Variants in SLC22A23 observed in about 807,000 individuals in gnomAD.
SLC22A23 encodes solute carrier family 22 member 23.
Under a neutral mutation model 61.0 loss-of-function variants are expected in SLC22A23, and 26 were observed. That is an observed-to-expected ratio of 0.43 (90% confidence interval 0.31 to 0.59). SLC22A23 has a LOEUF of 0.59. SLC22A23 is among the 20% of genes least tolerant of loss of function. SLC22A23 has a pLI of 0.11. For missense variants in SLC22A23, 796 were observed against 934.7 expected (o/e 0.85, Z 1.94); for synonymous variants, 430 against 413.9 (o/e 1.04, Z -0.47).
chr6:3,295,040 T>C (rs1760949226), intron 5 of SLC22A23, among the ~76,000 whole-genome samples: 1 of 152,012 alleles, frequency 6.6e-6, no homozygotes, highest in Non-Finnish European at 1.5e-5. Context: ...TGGGTTCGTT[T>C]AGCCCATAAA....
chr6:3,349,136 T>A (rs1764615754), intron 3 of SLC22A23, among the ~76,000 whole-genome samples: 1 of 152,186 alleles, frequency 6.6e-6, no homozygotes, highest in South Asian at 2.1e-4. Context: ...ATGGGGTGCT[T>A]CCCACTGGGG....
chr6:3,337,155 T>C (rs1007974698), intron 3 of SLC22A23, among the ~76,000 whole-genome samples: 3 of 152,208 alleles, frequency 2.0e-5, no homozygotes, highest in African/African-American at 7.2e-5. Context: ...GCATCCGTCA[T>C]GAATGTAGCC....
At chr6:3,407,783 T>C (rs1329496210) in intron 3 of SLC22A23, among the ~76,000 whole-genome samples, 1 of 152,232 alleles carries the variant, frequency 6.6e-6, no homozygotes, top group Non-Finnish European at 1.5e-5. Context: ...TGCCCTGCTT[T>C]ATTGCAGAAA....
rs182440668 is a variant in SLC22A23, at chr6:3,305,143, G to T, written c.1083-6925C>A. On this transcript the variant is annotated intron_variant, in intron 4 of 9. Coordinates refer to ENST00000406686, the MANE Select transcript of SLC22A23 (RefSeq NM_015482.2). ...CCAGTGTCCCCCGTGTGTGATGCTT[G>T]CAAGTCCATGATATAGTGGCGCTAT... Among the ~76,000 whole-genome samples the T allele has an allele frequency of 2.4e-4, 37 of 152,276 alleles. 1 individual carries two copies. Among genetic ancestry groups the T allele is most frequent in the Admixed American group, 1.8e-3 (27 of 15,306 alleles).
chr6:3,317,992 T>C lies in SLC22A23; in HGVS notation c.1082+5842A>G. Among the ~76,000 whole-genome samples the C allele has an allele frequency of 6.6e-6, 1 of 152,102 alleles. No homozygotes were observed. The highest frequency in any genetic ancestry group is 1.9e-4 in the East Asian group (1 of 5,180). On this transcript the variant is annotated intron_variant, in intron 4 of 9. Coordinates refer to ENST00000406686, the MANE Select transcript of SLC22A23 (RefSeq NM_015482.2). This position sits in a 1 kb window ranked among gnomAD's most constrained non-coding sequence, Gnocchi z 4.4. ...TATCTTGGCTCCACTTGCTGGAGCA[T>C]AAATCATTCATGTGTCCCATCTTCC... is the stretch of plus-strand genomic sequence containing the variant.
chr6:3,335,962 G>A (rs772162886), intron 3 of SLC22A23, among the ~76,000 whole-genome samples: 4 of 152,062 alleles, frequency 2.6e-5, no homozygotes, highest in Non-Finnish European at 4.4e-5. Context: ...GGTGGCGGGC[G>A]CCTGTAGTCC....
At chr6:3,294,966 G>A (rs1156231922) in intron 5 of SLC22A23, among the ~76,000 whole-genome samples, 1 of 152,218 alleles carries the variant, frequency 6.6e-6, no homozygotes, top group Non-Finnish European at 1.5e-5. Context: ...AGCCAGGCCC[G>A]AGACGCTTAC....
At chr6:3,298,346 A>G (rs1761295574) in intron 4 of SLC22A23, 128 bp from the exon 5 acceptor site, 2 of 1,008,626 alleles carry the variant, frequency 2.0e-6, no homozygotes, top group Admixed American at 3.0e-5. Context: ...CATCAGCCCA[A>G]TCAGGGGAGA....
chr6:3,434,217 G>T (rs1228662262), intron 1 of SLC22A23, among the ~76,000 whole-genome samples: 1 of 152,160 alleles, frequency 6.6e-6, no homozygotes, highest in African/African-American at 2.4e-5. Context: ...GGAGGCTGAG[G>T]CAGGAGAATC....
At chr6:3,402,177 G>A (rs7745448) in intron 3 of SLC22A23, among the ~76,000 whole-genome samples, 122,853 of 152,142 alleles carry the variant, frequency 0.81, 49,983 homozygotes, top group African/African-American at 0.88. Flanking sequence ...GCCCTCATTC[G>A]GGCTCTTCTT....
At chr6:3,319,698 T>C (rs1439279027) in intron 4 of SLC22A23, among the ~76,000 whole-genome samples, 1 of 152,206 alleles carries the variant, frequency 6.6e-6, no homozygotes, top group East Asian at 1.9e-4. Flanking sequence ...GCCCTCATAG[T>C]GGATTCCCCG....
chr6:3,287,808 C>T (rs560440606), intron 6 of SLC22A23, among the ~76,000 whole-genome samples: 1 of 152,156 alleles, frequency 6.6e-6, no homozygotes, highest in African/African-American at 2.4e-5. Flanking sequence ...TTCAGCCTCC[C>T]AAGTAGCTGG....
intron 4 of SLC22A23, among the ~76,000 whole-genome samples, chr6:3,321,850 C>T (rs1762971044): frequency 6.6e-6 from 1 of 152,186 alleles, no homozygotes; most frequent in South Asian, 2.1e-4. Context: ...CAGAGAGAAT[C>T]TGCTGGGGTA....
intron 1 of SLC22A23, among the ~76,000 whole-genome samples, chr6:3,428,852 G>C (rs1469335536): frequency 6.6e-6 from 1 of 152,136 alleles, no homozygotes; most frequent in East Asian, 1.9e-4. Flanking sequence ...GGGAGTAACT[G>C]GCTAATTAGC....
chr6:3,447,136 G>A (rs1056847445), intron 1 of SLC22A23, among the ~76,000 whole-genome samples: 18 of 152,236 alleles, frequency 1.2e-4, no homozygotes, highest in African/African-American at 3.9e-4. Context: ...TTCTTAGCAC[G>A]GTTTATAAGC....
chr6:3,421,340 CAG>C (rs2127529800), intron 1 of SLC22A23, among the ~76,000 whole-genome samples: 1 of 152,268 alleles, frequency 6.6e-6, no homozygotes, highest in Non-Finnish European at 1.5e-5. Flanking sequence ...AGTAAATTAT[CAG>C]AGACACCCAC....
chr6:3,296,915 G>A (rs147137917), intron 5 of SLC22A23, among the ~76,000 whole-genome samples: 22 of 152,272 alleles, frequency 1.4e-4, no homozygotes, highest in African/African-American at 4.1e-4. Context: ...TGGGGTTCCC[G>A]TGCATCCCTT....
At position 3,387,322 on chromosome 6, in the gene SLC22A23, C is replaced by T. The variant is rs978830320; in HGVS notation, c.913+22866G>A. Among the ~76,000 whole-genome samples, 1 of 152,182 alleles carries T rather than the reference C, an allele frequency of 6.6e-6. No individual in the cohort carries two copies. Among genetic ancestry groups the T allele is most frequent in the South Asian group, 2.1e-4 (1 of 4,832 alleles). On this transcript the variant is annotated intron_variant, in intron 3 of 9. Transcript: ENST00000406686. This position sits in a 1 kb window ranked among gnomAD's most constrained non-coding sequence, Gnocchi z 5.0. ...CGCCATGAGCAGGGTGGTGCTCTTC[C>T]CCCTAGTCTGATCAAGAGAAAGTAT...
chr6:3,341,170 C>T (rs1415693107), intron 3 of SLC22A23, among the ~76,000 whole-genome samples: 2 of 152,192 alleles, frequency 1.3e-5, no homozygotes, highest in Non-Finnish European at 2.9e-5. Flanking sequence ...CACAGATGAC[C>T]TCAGAAGCTG....
Sources: gnomAD v4.1 joint callset for allele counts (sites outside exome capture counted in the v4.1 genomes callset) on GRCh38, gnomAD v4.1.1 for gene constraint, Gnocchi (gnomAD v3.1) non-coding constraint, MANE v1.5 for transcripts, NCBI Gene and HGNC (gene_info 2026-07-23, HGNC 2026-07-21) for gene names.